FAP: variants seen among roughly 807,000 people sequenced by gnomAD.
FAP encodes prolyl endopeptidase FAP.
FAP carries 110 observed loss-of-function variants against 126.5 expected under a neutral mutation model. The observed-to-expected ratio is 0.87, with a 90% CI of 0.74 to 1.02. FAP has a LOEUF of 1.02. Ranked by LOEUF, FAP falls within the 50% of genes least tolerant of loss-of-function variation. The pLI is 0.00. For missense variants in FAP, 919 were observed against 909.2 expected (o/e 1.01, Z -0.14); for synonymous variants, 334 against 297.3 (o/e 1.12, Z -1.27).
At chr2:162,230,465 T>C (rs376494933) in intron 2 of FAP, among the ~76,000 whole-genome samples, 16 of 152,238 alleles carry the variant, frequency 1.1e-4, no homozygotes, top group South Asian at 4.1e-4. Flanking sequence ...TTTCTCACTA[T>C]TATACGTTCA....
At chr2:162,172,001 C>A (rs1001326677) in intron 25 of FAP, 2 of 152,042 alleles carry the variant, frequency 1.3e-5, no homozygotes, top group Non-Finnish European at 1.5e-5. Context: ...CTTTCAAATA[C>A]TAGAACTTAT....
intron 21 of FAP, among the ~76,000 whole-genome samples, chr2:162,177,395 C>A (rs1297936408): frequency 6.6e-6 from 1 of 152,068 alleles, no homozygotes; most frequent in Admixed American, 6.6e-5. Flanking sequence ...CACAATCTGT[C>A]TCCATTCTCC....
chr2:162,237,777 G>A (rs1458756681), intron 2 of FAP, among the ~76,000 whole-genome samples: 1 of 151,782 alleles, frequency 6.6e-6, no homozygotes, highest in African/African-American at 2.4e-5. Context: ...GAATCACAAG[G>A]ATTCCACAAT....
rs766050633 is a variant in FAP, at chr2:162,173,717, A to G, written c.2034+6T>C. 6.4e-6 allele frequency: 10 copies of G among 1,572,008 alleles called. No individual in the cohort carries two copies. Among genetic ancestry groups the G allele is most frequent in the Non-Finnish European group, 7.0e-6 (8 of 1,142,352 alleles). ...TTATTAACCTAAATAAAATGGAAAC[A>G]CTTACCTTATAGTGCTCAAGATTAT... On this transcript the variant is annotated splice_donor_region_variant and intron_variant, in intron 23 of 25. Transcript: ENST00000188790.
intron 5 of FAP, 70 bp downstream of exon 5, chr2:162,224,396 A>G: frequency 1.1e-6 from 1 of 900,206 alleles, no homozygotes; most frequent in East Asian, 2.6e-5. Flanking sequence ...GCTTTCTCTC[A>G]CTTTTTTTAA....
intron 11 of FAP, among the ~76,000 whole-genome samples, chr2:162,213,711 T>G (rs1382175391): frequency 6.6e-6 from 1 of 152,192 alleles, no homozygotes; most frequent in Non-Finnish European, 1.5e-5. Flanking sequence ...CCATTTTTTC[T>G]TTTTGGCTAT....
intron 2 of FAP, among the ~76,000 whole-genome samples, chr2:162,233,634 T>C (rs1689987642): frequency 6.6e-6 from 1 of 152,270 alleles, no homozygotes; most frequent in Non-Finnish European, 1.5e-5. Context: ...TTATCGAATA[T>C]ATATTTGCAA....
chr2:162,220,869 G>A (rs1447441345), intron 6 of FAP, among the ~76,000 whole-genome samples: 1 of 152,124 alleles, frequency 6.6e-6, no homozygotes, highest in Non-Finnish European at 1.5e-5. Flanking sequence ...CTGCCTTCGT[G>A]GGAAAGCAGA....
chr2:162,223,220 T>C (rs938688852), intron 6 of FAP, among the ~76,000 whole-genome samples: 5 of 152,140 alleles, frequency 3.3e-5, no homozygotes, highest in African/African-American at 9.6e-5. Context: ...CAACTAATGC[T>C]ACATCTCTCT....
At chr2:162,200,009 G>A (rs1255335537) in intron 15 of FAP, among the ~76,000 whole-genome samples, 1 of 152,174 alleles carries the variant, frequency 6.6e-6, no homozygotes, top group Non-Finnish European at 1.5e-5. Context: ...AATTACATAT[G>A]TAAGTCAGAT....
chr2:162,200,151 T>C (rs1688439015), intron 15 of FAP, among the ~76,000 whole-genome samples: 1 of 152,138 alleles, frequency 6.6e-6, no homozygotes, highest in African/African-American at 2.4e-5. Flanking sequence ...TAAACACTAA[T>C]ATAGGAACAG....
At chr2:162,205,763 T>C (rs908652757) in intron 12 of FAP, among the ~76,000 whole-genome samples, 1 of 152,310 alleles carries the variant, frequency 6.6e-6, no homozygotes, top group East Asian at 1.9e-4. Flanking sequence ...TCCACCCGCC[T>C]TGGCCTCCCA....
intron 22 of FAP, among the ~76,000 whole-genome samples, chr2:162,174,330 G>A (rs1447770952): frequency 1.3e-5 from 2 of 152,088 alleles, no homozygotes; most frequent in South Asian, 2.1e-4. Flanking sequence ...GCTAATTTTT[G>A]TAAAATTATT....
At chr2:162,221,593 C>A (rs1201557084) in intron 6 of FAP, 3 of 447,998 alleles carry the variant, frequency 6.7e-6, no homozygotes, top group Non-Finnish European at 1.3e-5. Context: ...CTCATGTTAC[C>A]TTTCATACTG....
chr2:162,181,934 G>C (rs536926912), intron 21 of FAP, among the ~76,000 whole-genome samples: 1 of 152,304 alleles, frequency 6.6e-6, no homozygotes, highest in Middle Eastern at 3.4e-3. Context: ...CTTCTGCTCA[G>C]ATGTTATATC....
At chr2:162,215,456 T>C (rs1013027094) in intron 10 of FAP, among the ~76,000 whole-genome samples, 2 of 152,184 alleles carry the variant, frequency 1.3e-5, no homozygotes, top group African/African-American at 4.8e-5. Context: ...TAGACAATTC[T>C]AAAACCAGAT....
At chr2:162,231,483 C>T (rs1009774243) in intron 2 of FAP, among the ~76,000 whole-genome samples, 1 of 152,150 alleles carries the variant, frequency 6.6e-6, no homozygotes, top group African/African-American at 2.4e-5. Context: ...TATATGTTAA[C>T]ACTTACTTGA....
At chr2:162,239,565 G>A (rs551371303) in intron 2 of FAP, among the ~76,000 whole-genome samples, 29 of 152,032 alleles carry the variant, frequency 1.9e-4, no homozygotes, top group East Asian at 1.7e-3. Flanking sequence ...CTCTACTCTC[G>A]GAATTAAGAC....
intron 20 of FAP, among the ~76,000 whole-genome samples, chr2:162,186,971 A>C (rs1687884687): frequency 6.6e-6 from 1 of 152,066 alleles, no homozygotes; most frequent in South Asian, 2.1e-4. Context: ...CCAGAAATTG[A>C]GTGATAGCTA....
Sources: allele counts gnomAD v4.1 joint callset (sites outside exome capture counted in the v4.1 genomes callset), GRCh38; gene constraint gnomAD v4.1.1; transcripts MANE v1.5; gene names NCBI Gene and HGNC (gene_info 2026-07-23, HGNC 2026-07-21).